SECISBP2L: variants seen among roughly 807,000 people sequenced by gnomAD.
SECISBP2L encodes the protein selenocysteine insertion sequence-binding protein 2-like.
Under a neutral mutation model 114.7 loss-of-function variants are expected in SECISBP2L, and 43 were observed. The ratio of observed to expected loss-of-function variants is 0.38; its 90% CI spans 0.29 to 0.48. SECISBP2L has a LOEUF of 0.48. Ranked by LOEUF, SECISBP2L falls within the 20% of genes least tolerant of loss-of-function variation. SECISBP2L has a pLI of 0.98. For missense variants in SECISBP2L, 1,136 were observed against 1,301.1 expected, an observed-to-expected ratio of 0.87 and a Z score of 1.95; for synonymous variants, 451 against 439.7, an observed-to-expected ratio of 1.03 and a Z score of -0.32.
rs186142984 is a variant in SECISBP2L at position 49,021,539 on chromosome 15, G to C, written c.1036-1987C>G. ...GCTACTCCAAAATTCTAACAACTGC[G>C]AATTGGAAGCAGACCTGGAGAGAAG... is the stretch of plus-strand genomic sequence containing the variant. On this transcript the variant is annotated intron_variant, in intron 7 of 17. Transcript: ENST00000559471. Among the ~76,000 whole-genome samples the C allele has an allele frequency of 5.3e-5, 8 of 152,232 alleles. No individual in the cohort carries two copies. In the East Asian group the frequency reaches 1.5e-3, roughly 29 times the overall value.
At chr15:49,019,276 T>C in intron 8 of SECISBP2L, 142 bp downstream of exon 8, 1 of 605,728 alleles carries the variant, frequency 1.7e-6, no homozygotes, top group Non-Finnish European at 2.4e-6. Context: ...AATGAGTTAA[T>C]ACTTCTGAGT....
Position 48,989,460 on chromosome 15 carries a change from T to C in SECISBP2L, c.*2784A>G, listed in dbSNP as rs1299191100. The C allele has an allele frequency of 6.6e-6, 1 of 152,634 alleles. No individual in the cohort carries two copies. The highest frequency in any genetic ancestry group is 1.5e-5 in the Non-Finnish European group (1 of 68,032). The allele number at this position is 152,634 out of a possible 1,614,324, so 9.5% of individuals were successfully genotyped here. ...GTCAAAGCCAGTAAAAACTTCTCAATGTATAACACACATTACTTTTCCACA... is the reference window on the plus strand; with the variant it reads ...GTCAAAGCCAGTAAAAACTTCTCAACGTATAACACACATTACTTTTCCACA... On this transcript the variant is annotated 3_prime_UTR_variant, in exon 18 of 18. Transcript: ENST00000559471.
intron 8 of SECISBP2L, among the ~76,000 whole-genome samples, chr15:49,019,115 GT>G (rs1902591824): frequency 6.6e-6 from 1 of 152,088 alleles, no homozygotes; most frequent in Admixed American, 6.6e-5. Flanking sequence ...CAAAAATTAA[GT>G]GAAAAAGCTC....
intron 16 of SECISBP2L, among the ~76,000 whole-genome samples, chr15:48,999,004 G>A (rs1419876246): frequency 6.6e-6 from 1 of 152,196 alleles, no homozygotes; most frequent in Non-Finnish European, 1.5e-5. Flanking sequence ...AGAAACATAC[G>A]TAACCTACAG....
intron 4 of SECISBP2L, 35 bp from the exon 5 acceptor site, chr15:49,028,717 G>A (rs754993394): frequency 2.0e-6 from 3 of 1,501,300 alleles, no homozygotes; most frequent in Admixed American, 1.7e-5. Context: ...AATTCTTTGT[G>A]ATGAACAAAT....
intron 3 of SECISBP2L, among the ~76,000 whole-genome samples, chr15:49,034,168 G>A (rs1051500738): frequency 2.0e-5 from 3 of 152,078 alleles, no homozygotes; most frequent in South Asian, 2.1e-4. Context: ...ATTATACGAG[G>A]AGGCAGCAAA....
intron 7 of SECISBP2L, among the ~76,000 whole-genome samples, chr15:49,023,346 C>A (rs1328459121): frequency 6.6e-6 from 1 of 152,170 alleles, no homozygotes; most frequent in Non-Finnish European, 1.5e-5. Flanking sequence ...TCCTTAAACA[C>A]ATGGAAGAAT....
At chr15:49,030,176 T>C (rs1902857041) in intron 4 of SECISBP2L, among the ~76,000 whole-genome samples, 1 of 152,252 alleles carries the variant, frequency 6.6e-6, no homozygotes, top group South Asian at 2.1e-4. Flanking sequence ...CTTAATATGA[T>C]GTCATGTCAT....
chr15:49,034,420 CTT>C (rs75869456), intron 3 of SECISBP2L, among the ~76,000 whole-genome samples: 13 of 143,580 alleles, frequency 9.1e-5, no homozygotes, highest in Admixed American at 7.0e-5. Context: ...TCATTTCTTT[CTT>C]TTTTTTTTTT....
intron 17 of SECISBP2L, 141 bp from the exon 18 acceptor site, chr15:48,993,067 A>G (rs1285338036): frequency 4.4e-6 from 3 of 678,216 alleles, no homozygotes; most frequent in Non-Finnish European, 7.3e-6. Context: ...CTACAAATTT[A>G]GTTTATTTAG....
At position 48,992,257 on chromosome 15, in the gene SECISBP2L, G is replaced by A. The variant is rs369272657; in HGVS notation, c.3293C>T (p.Thr1098Met). ...NKEHSDSNYT[T>M]QTT Reference sequence around the variant, plus strand: ...ACATTTCCTGAGTTACGTAGTTTGCGTTGTGTAATTAGAATCAGAGTGCTC... The same window carrying A: ...ACATTTCCTGAGTTACGTAGTTTGCATTGTGTAATTAGAATCAGAGTGCTC... Residue 1098 changes from threonine to methionine, a missense_variant, in exon 18 of 18, where the codon ACG (threonine) becomes ATG (methionine). By Grantham distance (81) the Thr-to-Met change is moderately conservative. This residue lies in a region of SECISBP2L where 684 missense variants were observed against 848.7 expected (regional missense o/e 0.81). Transcript: ENST00000559471. 1.6e-5 allele frequency: 25 copies of A among 1,603,574 alleles called. No homozygotes were observed. Among genetic ancestry groups the A allele is most frequent in the South Asian group, 6.6e-5 (6 of 90,624 alleles).
rs1366944732 is a variant in SECISBP2L, at chr15:49,017,537, G to C, written c.1251+11C>G. 6.6e-7 allele frequency: 1 copy of C among 1,525,510 alleles called. No individual in the cohort carries two copies. Among genetic ancestry groups the C allele is most frequent in the Non-Finnish European group, 9.0e-7 (1 of 1,110,552 alleles). 94.5% of individuals were successfully genotyped at this position (1,525,510 alleles called of 1,614,324 possible). ...GTTATATTTTGCTTTTCTTTTTAAA[G>C]AGTTACTTACTACTTTAGAAGAAAG... On this transcript the variant is annotated intron_variant, in intron 9 of 17. Coordinates refer to ENST00000559471, the MANE Select transcript of SECISBP2L (RefSeq NM_001193489.2).
At chr15:49,031,648 TAACTG>T (rs1284698669) in intron 4 of SECISBP2L, among the ~76,000 whole-genome samples, 1 of 152,138 alleles carries the variant, frequency 6.6e-6, no homozygotes, top group African/African-American at 2.4e-5. Flanking sequence ...ATTAAAAACT[TAACTG>T]AAGAATAAAA....
chr15:49,018,875 A>G (rs772568969), intron 8 of SECISBP2L, among the ~76,000 whole-genome samples: 7 of 152,236 alleles, frequency 4.6e-5, no homozygotes, highest in Non-Finnish European at 1.0e-4. Flanking sequence ...TCCCAAAGAT[A>G]GCAGGTCTAT....
intron 14 of SECISBP2L, 135 bp from the exon 15 acceptor site, chr15:49,001,232 T>C (rs1902201389): frequency 3.3e-6 from 2 of 598,888 alleles, no homozygotes; most frequent in Non-Finnish European, 5.7e-6. Flanking sequence ...TAAAGAAGTG[T>C]TTAAAACTTC....
chr15:49,030,047 CAA>C lies in SECISBP2L; in HGVS notation c.665-1367_665-1366del, dbSNP rs11329699. On this transcript the variant is annotated intron_variant, in intron 4 of 17. Transcript: ENST00000559471. ...AAATCATAACTGTACCAAGACAGTC[CAA>C]AAAAAAAAAACAAAAAACAAGACTC... is the stretch of plus-strand genomic sequence containing the variant. Among the ~76,000 whole-genome samples, 55 of 142,422 alleles carry C rather than the reference CAA, an allele frequency of 3.9e-4. 1 individual carries two copies. The highest frequency in any genetic ancestry group is 5.6e-4 in the Admixed American group (8 of 14,254). 93.4% of individuals were successfully genotyped at this position (142,422 alleles called of 152,430 possible).
In SECISBP2L at chr15:49,005,610, T is replaced by C. The variant is rs556622478; in HGVS notation, c.2027+3606A>G. ...TTTTGCTTTCCATTTGCTTGGTAAA[T>C]ATTCCTCCATCCTTTTATTTTGAGC... On this transcript the variant is annotated intron_variant, in intron 14 of 17. Transcript: ENST00000559471. 3.7e-4 allele frequency among the ~76,000 whole-genome samples: 46 copies of C among 125,482 alleles called. No homozygotes were observed. The South Asian group carries it at 8.8e-3, about 24-fold the overall frequency. 82.3% of individuals were successfully genotyped at this position (125,482 alleles called of 152,430 possible). A position where few individuals can be genotyped will look rare whatever the true frequency, so the allele number is the denominator to read the frequency against.
At position 49,046,348 on chromosome 15, in the gene SECISBP2L, T is replaced by A; in HGVS notation, c.-49A>T. The A allele has an allele frequency of 2.7e-6, 4 of 1,459,898 alleles. No homozygotes were observed. Among genetic ancestry groups the A allele is most frequent in the Non-Finnish European group, 3.6e-6 (4 of 1,100,896 alleles). 90.4% of individuals were successfully genotyped at this position (1,459,898 alleles called of 1,614,324 possible). The stretch of plus-strand genomic sequence containing the variant: ...CGCGCTAGTCGGTGTAAACAGCGCC[T>A]CGGGCCGCTTTCTCCATGGCCCCCC... On this transcript the variant is annotated 5_prime_UTR_variant, in exon 1 of 18. Transcript: ENST00000559471.
chr15:49,011,946 T>A, intron 12 of SECISBP2L, 83 bp from the exon 13 acceptor site: 1 of 1,462,880 alleles, frequency 6.8e-7, no homozygotes, highest in Non-Finnish European at 9.4e-7. Context: ...ATAACACAGG[T>A]ATGGTAGTTC....
Sources: gnomAD v4.1 joint callset for allele counts (sites outside exome capture counted in the v4.1 genomes callset) on GRCh38, gnomAD v4.1.1 for gene constraint, gnomAD v4.1.1 regional missense constraint, MANE v1.5 for transcripts, NCBI Gene and HGNC (gene_info 2026-07-23, HGNC 2026-07-21) for gene names.